GFRA1: variants seen among roughly 807,000 people sequenced by gnomAD.
The protein encoded by GFRA1 is GDNF family receptor alpha 1.
In GFRA1, 16 loss-of-function variants were observed where a neutral mutation model predicts 51.6. The observed-to-expected ratio is 0.31, with a 90% confidence interval of 0.21 to 0.47. The LOEUF (loss-of-function observed/expected upper bound fraction) is 0.47, where lower values mean the gene tolerates loss of function less well. Ranked by LOEUF, GFRA1 falls within the 20% of genes least tolerant of loss-of-function variation. The pLI, the probability that GFRA1 is intolerant of heterozygous loss-of-function variation, is 1.00. For missense variants in GFRA1, 530 were observed against 594.3 expected (o/e 0.89, Z 1.13); for synonymous variants, 270 against 241.3 (o/e 1.12, Z -1.10).
At chr10:116,235,650 G>T (rs1281992266) in intron 4 of GFRA1, among the ~76,000 whole-genome samples, 1 of 152,152 alleles carries the variant, frequency 6.6e-6, no homozygotes, top group Non-Finnish European at 1.5e-5. Context: ...CAGACTGGAG[G>T]TCTGTGTTCC....
chr10:116,072,095 C>T (rs1042345388), intron 9 of GFRA1, among the ~76,000 whole-genome samples: 1 of 151,508 alleles, frequency 6.6e-6, no homozygotes, highest in Admixed American at 6.6e-5. Flanking sequence ...CAGGAATTTG[C>T]CTTTTCAGAT....
At chr10:116,093,950 G>C in intron 7 of GFRA1, 114 bp from the exon 8 acceptor site, 1 of 983,734 alleles carries the variant, frequency 1.0e-6, no homozygotes, top group Admixed American at 1.8e-5. Flanking sequence ...TACAGACATT[G>C]TATTTGCTGA....
chr10:116,171,722 T>C (rs1961045208), intron 5 of GFRA1, among the ~76,000 whole-genome samples: 1 of 152,202 alleles, frequency 6.6e-6, no homozygotes, highest in East Asian at 1.9e-4. Flanking sequence ...GAAGCACATG[T>C]TGGCAGCGGC....
chr10:116,154,260 G>C (rs1959164712), intron 5 of GFRA1, among the ~76,000 whole-genome samples: 1 of 152,184 alleles, frequency 6.6e-6, no homozygotes, highest in African/African-American at 2.4e-5. Flanking sequence ...TTCACCAAAA[G>C]ACACAAATGA....
At chr10:116,133,078 G>C (rs755970319) in intron 5 of GFRA1, among the ~76,000 whole-genome samples, 2 of 149,708 alleles carry the variant, frequency 1.3e-5, no homozygotes, top group Admixed American at 6.7e-5. Flanking sequence ...TCTTTAACTT[G>C]GTAGAATGTC....
chr10:116,215,957 A>G (rs991222454), intron 4 of GFRA1, among the ~76,000 whole-genome samples: 2 of 152,122 alleles, frequency 1.3e-5, no homozygotes, highest in Admixed American at 1.3e-4. Context: ...GGTGATTCAG[A>G]TGTGGGAGGA....
At chr10:116,270,775 G>GCCT (rs1843846279) in intron 3 of GFRA1, 47 bp downstream of exon 3, 1 of 1,529,512 alleles carries the variant, frequency 6.5e-7, no homozygotes, top group African/African-American at 1.4e-5. Context: ...AGGCCCGCCT[G>GCCT]CCTTCGGGGA....
intron 5 of GFRA1, among the ~76,000 whole-genome samples, chr10:116,132,626 G>C (rs1169086398): frequency 6.6e-6 from 1 of 151,764 alleles, no homozygotes; most frequent in African/African-American, 2.4e-5. Flanking sequence ...CTCTCTCCGG[G>C]GCCCTGATAC....
intron 4 of GFRA1, 24 bp downstream of exon 4, chr10:116,269,479 G>A: frequency 7.6e-7 from 1 of 1,322,992 alleles, no homozygotes; most frequent in Non-Finnish European, 1.1e-6. Flanking sequence ...AAAGGCATCA[G>A]CATGGAAGTA....
intron 4 of GFRA1, among the ~76,000 whole-genome samples, chr10:116,266,449 G>C (rs1438515740): frequency 6.6e-6 from 1 of 152,202 alleles, no homozygotes; most frequent in Non-Finnish European, 1.5e-5. Flanking sequence ...TGGATAATAT[G>C]CATTATTCAA....
At chr10:116,078,866 A>G (rs1264203096) in intron 9 of GFRA1, among the ~76,000 whole-genome samples, 3 of 152,142 alleles carry the variant, frequency 2.0e-5, no homozygotes, top group Non-Finnish European at 4.4e-5. Flanking sequence ...TGCTACCGTC[A>G]TTTAGATTCT....
intron 5 of GFRA1, among the ~76,000 whole-genome samples, chr10:116,141,259 G>C (rs1958552497): frequency 6.6e-6 from 1 of 152,202 alleles, no homozygotes; most frequent in Non-Finnish European, 1.5e-5. Context: ...GGTACGTGAT[G>C]TTTAAATGTG....
At chr10:116,183,463 A>G (rs1387925204) in intron 5 of GFRA1, among the ~76,000 whole-genome samples, 1 of 152,196 alleles carries the variant, frequency 6.6e-6, no homozygotes, top group East Asian at 1.9e-4. Flanking sequence ...CTCAAAATCA[A>G]GAGCAAGTTA....
chr10:116,244,754 G>T (rs1479278469), intron 4 of GFRA1, among the ~76,000 whole-genome samples: 2 of 151,976 alleles, frequency 1.3e-5, no homozygotes, highest in Non-Finnish European at 2.9e-5. Context: ...TCTGATAGAA[G>T]TTCAAAAGGA....
intron 5 of GFRA1, among the ~76,000 whole-genome samples, chr10:116,183,658 G>A (rs749339823): frequency 1.4e-4 from 22 of 152,094 alleles, no homozygotes; most frequent in Non-Finnish European, 3.2e-4. Context: ...CTGGGCTCTG[G>A]CAGGTTGGGA....
intron 5 of GFRA1, among the ~76,000 whole-genome samples, chr10:116,184,831 C>T (rs1326563806): frequency 2.0e-5 from 3 of 152,008 alleles, no homozygotes; most frequent in Non-Finnish European, 4.4e-5. Flanking sequence ...GTAGAGTCTC[C>T]CTGGTGGGAC....
At chr10:116,229,004 A>G (rs1031143585) in intron 4 of GFRA1, among the ~76,000 whole-genome samples, 16 of 149,490 alleles carry the variant, frequency 1.1e-4, no homozygotes, top group South Asian at 6.3e-4. Flanking sequence ...AAAAAAAAAA[A>G]AAAGAAAGGC....
intron 4 of GFRA1, among the ~76,000 whole-genome samples, chr10:116,228,915 A>C (rs1966496927): frequency 1.5e-5 from 2 of 132,966 alleles, no homozygotes; most frequent in Non-Finnish European, 3.1e-5. Context: ...CGGGAGATGC[A>C]GGTTGCAGTG....
chr10:116,071,114 A>G (rs1235199879), intron 9 of GFRA1, among the ~76,000 whole-genome samples: 1 of 152,172 alleles, frequency 6.6e-6, no homozygotes, highest in Non-Finnish European at 1.5e-5. Flanking sequence ...AGCCCCACGG[A>G]CCCTGGCCCA....
Sources: gnomAD v4.1 joint callset for allele counts (sites outside exome capture counted in the v4.1 genomes callset) on GRCh38, gnomAD v4.1.1 for gene constraint, MANE v1.5 for transcripts, NCBI Gene and HGNC (gene_info 2026-07-23, HGNC 2026-07-21) for gene names.